The following BMPR2 variants were observed in gnomAD, a reference collection of about 807,000 sequenced individuals.
BMPR2 encodes the protein bone morphogenetic protein receptor type 2, also known as bone morphogenetic protein receptor type-2.
Under a neutral mutation model 100.8 loss-of-function variants are expected in BMPR2, and 29 were observed. That is an observed-to-expected ratio of 0.29 (90% confidence interval 0.21 to 0.39). The LOEUF (loss-of-function observed/expected upper bound fraction) is 0.39. Ranked by LOEUF, BMPR2 falls within the 10% of genes least tolerant of loss-of-function variation. The pLI, the probability that BMPR2 is intolerant of heterozygous loss-of-function variation, is 1.00. For synonymous variants in BMPR2, 382 were observed against 442.3 expected (o/e 0.86, Z 1.71); for missense variants, 1,011 against 1,274.5 (o/e 0.79, Z 3.15).
intron 7 of BMPR2, among the ~76,000 whole-genome samples, chr2:202,524,427 G>A (rs1241764197): frequency 1.3e-5 from 2 of 150,136 alleles, no homozygotes; most frequent in Non-Finnish European, 3.0e-5. Context: ...AGGATCATTT[G>A]TACCTCAAAC....
In BMPR2 at chr2:202,560,420, G is replaced by A. The variant is rs1335897995; in HGVS notation, c.*474G>A. 6.0e-6 allele frequency: 1 copy of A among 167,550 alleles called. No individual in the cohort carries two copies. Among genetic ancestry groups the A allele is most frequent in the Non-Finnish European group, 1.3e-5 (1 of 76,428 alleles). The allele number at this position is 167,550 out of a possible 1,614,324, so 10.4% of individuals were successfully genotyped here. Reference sequence around the variant, plus strand: ...GATACGTTCCTGAACATATTATCTTGTTGGACATCTTTTCTCTTGTGTTTT... The same window carrying A: ...GATACGTTCCTGAACATATTATCTTATTGGACATCTTTTCTCTTGTGTTTT... On this transcript the variant is annotated 3_prime_UTR_variant, in exon 13 of 13. Transcript: ENST00000374580.
chr2:202,387,858 G>A (rs539728702), intron 1 of BMPR2, among the ~76,000 whole-genome samples: 20 of 152,274 alleles, frequency 1.3e-4, no homozygotes, highest in Middle Eastern at 3.4e-3. Flanking sequence ...CTTCACAAAC[G>A]ACTGTATTGT....
chr2:202,504,272 A>G (rs936816892), intron 3 of BMPR2, among the ~76,000 whole-genome samples: 1 of 152,028 alleles, frequency 6.6e-6, no homozygotes, highest in South Asian at 2.1e-4. Context: ...AAATCTTGCT[A>G]CTGCTCACTC....
intron 1 of BMPR2, among the ~76,000 whole-genome samples, chr2:202,450,711 A>G (rs76920638): frequency 4.6e-5 from 7 of 151,792 alleles, no homozygotes; most frequent in Non-Finnish European, 1.0e-4. Context: ...AAAAAAAAAA[A>G]AGATTTCACC....
intron 5 of BMPR2, among the ~76,000 whole-genome samples, chr2:202,516,711 A>G (rs1687719672): frequency 1.3e-5 from 2 of 152,198 alleles, no homozygotes; most frequent in Admixed American, 6.5e-5. Flanking sequence ...TGGCTAAGAA[A>G]TGTACAGTAA....
chr2:202,406,174 G>A (rs1690887082), intron 1 of BMPR2, among the ~76,000 whole-genome samples: 1 of 152,230 alleles, frequency 6.6e-6, no homozygotes, highest in South Asian at 2.1e-4. Flanking sequence ...TCCAGCATAA[G>A]TGGTTGATTA....
intron 1 of BMPR2, among the ~76,000 whole-genome samples, chr2:202,444,022 C>T (rs1352668732): frequency 6.6e-6 from 1 of 150,590 alleles, no homozygotes; most frequent in East Asian, 1.9e-4. Flanking sequence ...GTGGTACTAC[C>T]ACCGGTTGTA....
At chr2:202,485,308 G>T (rs1692749973) in intron 3 of BMPR2, among the ~76,000 whole-genome samples, 1 of 151,930 alleles carries the variant, frequency 6.6e-6, no homozygotes, top group Non-Finnish European at 1.5e-5. Context: ...AAAAATAACA[G>T]AAATTTGTTC....
intron 7 of BMPR2, among the ~76,000 whole-genome samples, chr2:202,521,571 A>G (rs1687819598): frequency 6.6e-6 from 1 of 152,102 alleles, no homozygotes; most frequent in African/African-American, 2.4e-5. Context: ...TCAGAAAAAA[A>G]AAAAAAGCAA....
intron 3 of BMPR2, among the ~76,000 whole-genome samples, chr2:202,485,208 A>G (rs532483182): frequency 1.1e-3 from 163 of 152,206 alleles, no homozygotes; most frequent in African/African-American, 3.8e-3. Context: ...GAACTTTAAG[A>G]TGTGTTTAGT....
In BMPR2 at chr2:202,378,402, C is replaced by T. The variant is rs143715491; in HGVS notation, c.76+852C>T. On this transcript the variant is annotated intron_variant, in intron 1 of 12. Coordinates refer to ENST00000374580, the MANE Select transcript of BMPR2 (RefSeq NM_001204.7). ...TTTCAGGAGTGAATTCTACATATAA[C>T]TCGTACACTTGGTTTATGATGGGCA... Among the ~76,000 whole-genome samples the T allele has an allele frequency of 4.5e-3, 691 of 152,226 alleles. 8 individuals are homozygous for T. Among genetic ancestry groups the T allele is most frequent in the Non-Finnish European group, 5.9e-3 (401 of 68,020 alleles).
chr2:202,463,668 A>G (rs752865057), intron 1 of BMPR2, among the ~76,000 whole-genome samples: 22 of 152,214 alleles, frequency 1.4e-4, no homozygotes, highest in Non-Finnish European at 2.9e-4. Flanking sequence ...ATAACCTTTT[A>G]CTTTAGTATT....
intron 1 of BMPR2, among the ~76,000 whole-genome samples, chr2:202,411,319 A>C (rs1368980992): frequency 6.6e-6 from 1 of 152,232 alleles, no homozygotes; most frequent in Non-Finnish European, 1.5e-5. Flanking sequence ...TGAATCAGGC[A>C]GCATCCCATC....
At chr2:202,386,132 C>G (rs1488019920) in intron 1 of BMPR2, among the ~76,000 whole-genome samples, 2 of 152,124 alleles carry the variant, frequency 1.3e-5, no homozygotes, top group Non-Finnish European at 2.9e-5. Context: ...GTCTTTAGAC[C>G]TTTTCTCTGT....
chr2:202,485,431 A>G (rs1292456711), intron 3 of BMPR2, among the ~76,000 whole-genome samples: 1 of 151,628 alleles, frequency 6.6e-6, no homozygotes, highest in Non-Finnish European at 1.5e-5. Flanking sequence ...TAGCTTTGAC[A>G]GGTTTCAGTA....
chr2:202,553,414 T>G (rs935005977), intron 11 of BMPR2, among the ~76,000 whole-genome samples: 1 of 152,198 alleles, frequency 6.6e-6, no homozygotes, highest in African/African-American at 2.4e-5. Context: ...CCATCATTAA[T>G]ATTATTTTAC....
intron 1 of BMPR2, among the ~76,000 whole-genome samples, chr2:202,427,625 T>C (rs1436380383): frequency 2.6e-5 from 4 of 152,150 alleles, no homozygotes; most frequent in African/African-American, 4.8e-5. Context: ...TTTTTTTCCA[T>C]TCTCACAGTA....
At chr2:202,417,266 A>C (rs1305474331) in intron 1 of BMPR2, among the ~76,000 whole-genome samples, 1 of 152,096 alleles carries the variant, frequency 6.6e-6, no homozygotes, top group African/African-American at 2.4e-5. Context: ...CCTCCTGAGT[A>C]ACTGAGATTA....
At chr2:202,508,101 TA>T (rs1687560108) in intron 3 of BMPR2, among the ~76,000 whole-genome samples, 2 of 149,050 alleles carry the variant, frequency 1.3e-5, no homozygotes, top group East Asian at 2.0e-4. Context: ...TTATTATTAT[TA>T]TTATTATTAT....
Sources: allele counts gnomAD v4.1 joint callset (sites outside exome capture counted in the v4.1 genomes callset), GRCh38; gene constraint gnomAD v4.1.1; transcripts MANE v1.5; gene names NCBI Gene and HGNC (gene_info 2026-07-23, HGNC 2026-07-21).